Variants in PCDHA2 observed in about 807,000 individuals in gnomAD.
The protein encoded by PCDHA2 is protocadherin alpha 2, also known as protocadherin alpha-2.
In PCDHA2, 58 loss-of-function variants were observed where a neutral mutation model predicts 66.0. The observed-to-expected ratio is 0.88, with a 90% CI of 0.71 to 1.09. PCDHA2 has a LOEUF of 1.09. Among genes scored for constraint, PCDHA2 ranks in the 50% least tolerant of loss-of-function variants. The probability of loss-of-function intolerance (pLI) is 0.00; values close to 1 mark genes in which losing one functional copy is unlikely to be tolerated. For synonymous variants in PCDHA2, 634 were observed against 554.0 expected (o/e 1.14, Z -2.03); for missense variants, 1,267 against 1,242.3 (o/e 1.02, Z -0.30).
intron 1 of PCDHA2, chr5:140,882,202 T>A: frequency 2.0e-6 from 3 of 1,529,778 alleles, no homozygotes; most frequent in Non-Finnish European, 2.6e-6. Context: ...AAATTGGGCC[T>A]TGAGAGACAG....
Position 140,828,183 on chromosome 5 carries a change from T to C in PCDHA2, c.2388+30831T>C, listed in dbSNP as rs2150151991. The C allele has an allele frequency of 1.9e-6, 3 of 1,614,120 alleles. No individual in the cohort carries two copies. The Admixed American group carries it at 5.0e-5, about 27-fold the overall frequency. ...GCCTGGAAGGTGGGGAGCGGCCAGC[T>C]CCACTACTCCGTACCCGAGGAGGCC... On this transcript the variant is annotated intron_variant, in intron 1 of 3. Coordinates refer to ENST00000526136, the MANE Select transcript of PCDHA2 (RefSeq NM_018905.3).
intron 1 of PCDHA2, chr5:140,867,201 T>C (rs1554161078): frequency 6.6e-6 from 1 of 152,156 alleles, no homozygotes; most frequent in African/African-American, 2.4e-5. Context: ...CCACATTCCA[T>C]GTAACATCTT....
chr5:140,803,269 C>T, intron 1 of PCDHA2: 1 of 1,614,012 alleles, frequency 6.2e-7, no homozygotes, highest in Non-Finnish European at 8.5e-7. Context: ...GGCCCGGAAG[C>T]TGCACTGGTG....
chr5:141,003,445 G>A (rs2098125256), intron 3 of PCDHA2, among the ~76,000 whole-genome samples: 1 of 152,112 alleles, frequency 6.6e-6, no homozygotes, highest in African/African-American at 2.4e-5. Flanking sequence ...CCAAGTAGAT[G>A]AAATTACAGG....
intron 1 of PCDHA2, chr5:140,929,542 C>A (rs2086218387): frequency 1.9e-6 from 1 of 536,790 alleles, no homozygotes; most frequent in Non-Finnish European, 3.0e-6. Context: ...GAAACAAGGG[C>A]AAAAATTAAA....
intron 1 of PCDHA2, among the ~76,000 whole-genome samples, chr5:140,838,712 G>A (rs2150291764): frequency 1.3e-5 from 2 of 152,012 alleles, no homozygotes; most frequent in Non-Finnish European, 2.9e-5. Flanking sequence ...GAGGCAGGAG[G>A]ATTGCTTCAG....
At chr5:140,825,773 T>C (rs1395889214) in intron 1 of PCDHA2, 2 of 152,486 alleles carry the variant, frequency 1.3e-5, no homozygotes, top group African/African-American at 2.4e-5. Flanking sequence ...GTTGTGCAAA[T>C]TCTACTATAT....
In PCDHA2 at chr5:140,870,953, C is replaced by T. The variant is rs782232980; in HGVS notation, c.2388+73601C>T. The T allele has an allele frequency of 3.2e-5, 51 of 1,613,668 alleles. No homozygotes were observed. In the East Asian group the frequency reaches 1.0e-3, roughly 32 times the overall value. ...GAATTGCAGCCGGCGGCGGGCGGCT[C>T]GCGCATCCCGTTCCGCGTGGGGCTG... On this transcript the variant is annotated intron_variant, in intron 1 of 3. Transcript: ENST00000526136.
Position 140,801,272 on chromosome 5 carries a change from G to T in PCDHA2, c.2388+3920G>T. ...CTCTTCTGCTCCTCGCAGCCTCGGA[G>T]GTGGGGAGCGGCCAGCTCCACTACT... is the stretch of plus-strand genomic sequence containing the variant. On this transcript the variant is annotated intron_variant, in intron 1 of 3. Coordinates refer to ENST00000526136, the MANE Select transcript of PCDHA2 (RefSeq NM_018905.3). 8 of 1,613,682 alleles carry T rather than the reference G, an allele frequency of 5.0e-6. No individual in the cohort carries two copies. Among genetic ancestry groups the T allele is most frequent in the Non-Finnish European group, 6.8e-6 (8 of 1,179,902 alleles).
At chr5:140,807,077 C>T in intron 1 of PCDHA2, 1 of 1,247,972 alleles carries the variant, frequency 8.0e-7, no homozygotes, top group Non-Finnish European at 1.1e-6. Flanking sequence ...CATATACACT[C>T]TTTGGAGTCT....
At position 140,835,754 on chromosome 5, in the gene PCDHA2, G is replaced by C. The variant is rs1562349342; in HGVS notation, c.2388+38402G>C. On this transcript the variant is annotated intron_variant, in intron 1 of 3. Coordinates refer to ENST00000526136, the MANE Select transcript of PCDHA2 (RefSeq NM_018905.3). ...ACGACAACGCCCCGGCGTTCGCGCA[G>C]CCCGAGTATACGGTGTTCGTGAAGG... 3.1e-6 allele frequency: 5 copies of C among 1,613,576 alleles called. No individual in the cohort carries two copies. In the Admixed American group the frequency reaches 8.3e-5, roughly 27 times the overall value.
In PCDHA2 at chr5:140,985,229, G is replaced by T. The variant is rs903728570; in HGVS notation, c.2536+2666G>T. ...TGGGATTACAGGCGTGAGCCACCGC[G>T]CCTGGCCTAATCTTCTTACTCTTTT... On this transcript the variant is annotated intron_variant, in intron 3 of 3. Transcript: ENST00000526136. 3.9e-5 allele frequency among the ~76,000 whole-genome samples: 6 copies of T among 152,216 alleles called. No homozygotes were observed. The South Asian group carries it at 6.2e-4, about 16-fold the overall frequency.
At chr5:140,864,296 A>T (rs1232211439) in intron 1 of PCDHA2, 1 of 152,194 alleles carries the variant, frequency 6.6e-6, no homozygotes, top group African/African-American at 2.4e-5. Context: ...TATGTATTCA[A>T]AAATACCATG....
At chr5:140,927,004 A>C (rs1194923615) in intron 1 of PCDHA2, 1 of 1,612,238 alleles carries the variant, frequency 6.2e-7, no homozygotes, top group Non-Finnish European at 8.5e-7. Flanking sequence ...AGCCGTAGGC[A>C]ATCTCTCCGC....
intron 1 of PCDHA2, among the ~76,000 whole-genome samples, chr5:140,826,123 C>G (rs1018689969): frequency 6.6e-6 from 1 of 152,152 alleles, no homozygotes; most frequent in Non-Finnish European, 1.5e-5. Context: ...TTCCTAATAT[C>G]CTGAGCTACT....
intron 1 of PCDHA2, among the ~76,000 whole-genome samples, chr5:140,819,228 T>C (rs183436055): frequency 2.0e-5 from 3 of 152,310 alleles, no homozygotes; most frequent in South Asian, 2.1e-4. Context: ...TGCTTCAACA[T>C]TTCCTCTTCT....
At chr5:140,822,812 C>A in intron 1 of PCDHA2, 2 of 1,614,074 alleles carry the variant, frequency 1.2e-6, no homozygotes, top group Non-Finnish European at 1.7e-6. Flanking sequence ...AATGATAATA[C>A]CCCAGAGATG....
chr5:140,872,711 G>A (rs968537483), intron 1 of PCDHA2, among the ~76,000 whole-genome samples: 1 of 152,206 alleles, frequency 6.6e-6, no homozygotes, highest in South Asian at 2.1e-4. Context: ...AAGGAAACTA[G>A]GTAAATAAAA....
rs782641897 is a variant in PCDHA2, at chr5:140,796,962, A to G, written c.1998A>G (p.Leu666=). The change falls in exon 1 of 4, where the codon TTA becomes TTG. Residue 666 remains leucine (L), a synonymous_variant. Coordinates refer to ENST00000526136, the MANE Select transcript of PCDHA2 (RefSeq NM_018905.3). The stretch of plus-strand genomic sequence containing the variant: ...CGTTGACAGCCACGGCCACCGTGTT[A>G]GTGTCGTTGGTGGAAAGTGGCCAGG... The part of the protein sequence containing the change: ...EPALTATATV[L]VSLVESGQAP... 4.5e-5 allele frequency: 73 copies of G among 1,613,640 alleles called. No homozygotes were observed. The highest frequency in any genetic ancestry group is 6.0e-5 in the Non-Finnish European group (71 of 1,179,956).
Sources: gnomAD v4.1 joint callset for allele counts (sites outside exome capture counted in the v4.1 genomes callset) on GRCh38, gnomAD v4.1.1 for gene constraint, MANE v1.5 for transcripts, NCBI Gene and HGNC (gene_info 2026-07-23, HGNC 2026-07-21) for gene names.